NBEAL1: variants seen among roughly 807,000 people sequenced by gnomAD.
The protein encoded by NBEAL1 is neurobeachin-like protein 1.
Under a neutral mutation model 351.3 loss-of-function variants are expected in NBEAL1, and 273 were observed. The observed-to-expected ratio is 0.78, with a 90% CI of 0.70 to 0.86. The LOEUF (loss-of-function observed/expected upper bound fraction) is 0.86, where lower values mean the gene tolerates loss of function less well. Among genes scored for constraint, NBEAL1 ranks in the 40% least tolerant of loss-of-function variants. The probability of loss-of-function intolerance (pLI) is 0.00; values close to 1 mark genes in which losing one functional copy is unlikely to be tolerated. For missense variants in NBEAL1, 2,961 were observed against 3,201.3 expected, an observed-to-expected ratio of 0.92 and a Z score of 1.81; for synonymous variants, 1,050 against 1,086.4, an observed-to-expected ratio of 0.97 and a Z score of 0.66.
In NBEAL1 at chr2:203,135,815, G is replaced by T. The variant is rs1456449726; in HGVS notation, c.3952G>T (p.Val1318Phe). The T allele has an allele frequency of 6.2e-7, 1 of 1,613,574 alleles. No homozygotes were observed. Among genetic ancestry groups the T allele is most frequent in the Non-Finnish European group, 8.5e-7 (1 of 1,179,842 alleles). The part of the protein sequence containing the change: ...GNTLHKHSRA[V>F]LMKDNDKNMS... ...TACTCTTCATAAGCACAGTAGAGCT[G>T]TTTTAATGAAAGACAATGATAAAAA... Residue 1318 changes from valine (V) to phenylalanine (F), a missense_variant, in exon 28 of 56, where the codon GTT becomes TTT. By Grantham distance (50) the Val-to-Phe change is conservative. Transcript: ENST00000683969.
At chr2:203,020,369 A>C (rs1008454703) in intron 2 of NBEAL1, among the ~76,000 whole-genome samples, 1 of 152,186 alleles carries the variant, frequency 6.6e-6, no homozygotes, top group African/African-American at 2.4e-5. Flanking sequence ...GTATAAGACT[A>C]TTAATTCAAG....
chr2:203,116,877 G>A (rs576938386), intron 18 of NBEAL1, among the ~76,000 whole-genome samples: 9 of 151,860 alleles, frequency 5.9e-5, no homozygotes, highest in Non-Finnish European at 1.0e-4. Flanking sequence ...TGAGGTGGGC[G>A]GATCACCTGA....
chr2:203,144,463 C>T, intron 31 of NBEAL1, 137 bp from the exon 32 acceptor site: 1 of 768,970 alleles, frequency 1.3e-6, no homozygotes, highest in Middle Eastern at 3.0e-4. Flanking sequence ...AGCTTGGAGG[C>T]AAAGTAACAT....
intron 45 of NBEAL1, 101 bp from the exon 46 acceptor site, chr2:203,190,191 C>CACAT (rs1553502414): frequency 4.9e-6 from 2 of 412,104 alleles, no homozygotes; most frequent in African/African-American, 5.0e-5. Flanking sequence ...CACACACACA[C>CACAT]ACACACACAC....
At chr2:203,152,629 A>G in intron 35 of NBEAL1, among the ~76,000 whole-genome samples, 1 of 151,900 alleles carries the variant, frequency 6.6e-6, no homozygotes, top group Non-Finnish European at 1.5e-5. Flanking sequence ...ATTTCAAAAC[A>G]GATCTTAACG....
chr2:203,107,404 T>C lies in NBEAL1; in HGVS notation c.1270-16T>C. 7.5e-7 allele frequency: 1 copy of C among 1,328,708 alleles called. No homozygotes were observed. Among genetic ancestry groups the C allele is most frequent in the Non-Finnish European group, 1.0e-6 (1 of 953,390 alleles). The allele number at this position is 1,328,708 out of a possible 1,614,324, so 82.3% of individuals were successfully genotyped here. On this transcript the variant is annotated splice_polypyrimidine_tract_variant and intron_variant, in intron 12 of 55. Transcript: ENST00000683969. ...TTTGAAAATGTACTTTGATATATTG[T>C]CTTCCCATCCCCTAGGAAGTATTTA...
intron 11 of NBEAL1, among the ~76,000 whole-genome samples, chr2:203,098,130 T>C (rs1447294972): frequency 6.6e-6 from 1 of 152,214 alleles, no homozygotes; most frequent in Admixed American, 6.5e-5. Context: ...CTTGACTTTT[T>C]GTATTCTAGA....
chr2:203,208,481 A>T (rs2065673482), intron 51 of NBEAL1, among the ~76,000 whole-genome samples, 156 bp from the exon 52 acceptor site: 1 of 152,244 alleles, frequency 6.6e-6, no homozygotes, highest in Non-Finnish European at 1.5e-5. Context: ...AAATCCAAGT[A>T]GAAATGTAAG....
chr2:203,067,757 CTT>C (rs2061618330), intron 6 of NBEAL1, among the ~76,000 whole-genome samples: 1 of 152,190 alleles, frequency 6.6e-6, no homozygotes, highest in Admixed American at 6.5e-5. Flanking sequence ...TAACACTACT[CTT>C]TATTCTCCAA....
rs150243675 is a variant in NBEAL1, at chr2:203,121,872, G to A, written c.2593-382G>A. Among the ~76,000 whole-genome samples, 502 of 151,840 alleles carry A rather than the reference G, an allele frequency of 3.3e-3. 3 individuals are homozygous for A. Among genetic ancestry groups the A allele is most frequent in the African/African-American group, 0.011 (469 of 41,412 alleles). On this transcript the variant is annotated intron_variant, in intron 18 of 55. Coordinates refer to ENST00000683969, the MANE Select transcript of NBEAL1 (RefSeq NM_001378026.1). The stretch of plus-strand genomic sequence containing the variant: ...ACCGTGTCGGCTCACTGCAACCTCC[G>A]TCTCCTGGGTTCAAGCAATTCTCCT...
In NBEAL1 at chr2:203,207,475, G is replaced by GA. The variant is rs370152407; in HGVS notation, c.7507-1159dup. On this transcript the variant is annotated intron_variant, in intron 51 of 55. Coordinates refer to ENST00000683969, the MANE Select transcript of NBEAL1 (RefSeq NM_001378026.1). ...GCGGTTTTGTGGAATAGAAAGGGGG[G>GA]AAAGGTGGGGAAAAGATTGAGAAAT... Among the ~76,000 whole-genome samples, 993 of 152,372 alleles carry GA rather than the reference G, an allele frequency of 6.5e-3. 11 individuals carry two copies. The highest frequency in any genetic ancestry group is 0.023 in the African/African-American group (958 of 41,582).
At chr2:203,065,039 C>T (rs536687911) in intron 6 of NBEAL1, among the ~76,000 whole-genome samples, 1 of 152,176 alleles carries the variant, frequency 6.6e-6, no homozygotes, top group South Asian at 2.1e-4. Context: ...AGGAGGATCA[C>T]TTAAACCCAG....
At chr2:203,145,922 T>TA (rs2063501278) in intron 33 of NBEAL1, among the ~76,000 whole-genome samples, 1 of 140,624 alleles carries the variant, frequency 7.1e-6, no homozygotes, top group Admixed American at 7.0e-5. Context: ...AGAAAAATAA[T>TA]AGAGAAAATC....
chr2:203,034,978 C>T (rs937280258), intron 2 of NBEAL1, among the ~76,000 whole-genome samples: 12 of 149,164 alleles, frequency 8.0e-5, no homozygotes, highest in Non-Finnish European at 1.7e-4. Flanking sequence ...TATTTATATG[C>T]ATCTAGAATT....
chr2:203,141,440 G>A (rs140893490), intron 31 of NBEAL1, among the ~76,000 whole-genome samples: 86 of 127,740 alleles, frequency 6.7e-4, no homozygotes, highest in African/African-American at 2.1e-3. Context: ...GAGTACAGTG[G>A]CACAACCTCG....
At position 203,110,176 on chromosome 2, in the gene NBEAL1, T is replaced by C; in HGVS notation, c.1976T>C (p.Phe659Ser). The change falls in exon 15 of 56, where the codon TTT becomes TCT. Residue 659 changes from phenylalanine (F) to serine (S), a missense_variant. Coordinates refer to ENST00000683969, the MANE Select transcript of NBEAL1 (RefSeq NM_001378026.1). ...TTTTTTACAGGAAGTGGCATGGGTT[T>C]TGAAGCCTTTATTACCCATTCAGGT... ...YSFFTGSGMGFEAFITHSGML... is the reference protein window; with the variant it reads ...YSFFTGSGMGSEAFITHSGML... 1 of 1,552,150 alleles carries C rather than the reference T, an allele frequency of 6.4e-7. No homozygotes were observed. Among genetic ancestry groups the C allele is most frequent in the Non-Finnish European group, 8.7e-7 (1 of 1,147,062 alleles).
chr2:203,151,966 C>A (rs1008690289), intron 35 of NBEAL1, among the ~76,000 whole-genome samples: 2 of 150,346 alleles, frequency 1.3e-5, no homozygotes, highest in Non-Finnish European at 3.0e-5. Context: ...CTTTTCTTTT[C>A]TTTTTTTTGA....
At chr2:203,130,502 G>A in intron 25 of NBEAL1, 26 bp downstream of exon 25, 2 of 1,367,300 alleles carry the variant, frequency 1.5e-6, no homozygotes. Context: ...AAACATCTTT[G>A]TATTTTGAGG....
chr2:203,199,263 T>C, intron 48 of NBEAL1, 75 bp from the exon 49 acceptor site: 3 of 787,054 alleles, frequency 3.8e-6, no homozygotes, highest in Non-Finnish European at 4.3e-6. Flanking sequence ...GCCAATGTCA[T>C]GTGAGCATCT....
Sources: allele counts gnomAD v4.1 joint callset (sites outside exome capture counted in the v4.1 genomes callset), GRCh38; gene constraint gnomAD v4.1.1; transcripts MANE v1.5; gene names NCBI Gene and HGNC (gene_info 2026-07-23, HGNC 2026-07-21).